Variants in SELENOT observed in about 807,000 individuals in gnomAD.
SELENOT encodes the protein selenoprotein T.
A neutral mutation model predicts 24.3 loss-of-function variants in SELENOT; 9 were observed. That is an observed-to-expected ratio of 0.37 (90% CI 0.22 to 0.65). The LOEUF (loss-of-function observed/expected upper bound fraction) is 0.65. SELENOT is among the 30% of genes least tolerant of loss of function. The probability of loss-of-function intolerance (pLI) is 0.60; values close to 1 mark genes in which losing one functional copy is unlikely to be tolerated. For missense variants in SELENOT, 166 were observed against 247.6 expected, an observed-to-expected ratio of 0.67 and a Z score of 2.21; for synonymous variants, 81 against 86.0, an observed-to-expected ratio of 0.94 and a Z score of 0.32.
At chr3:150,612,498 T>C (rs929148821) in intron 1 of SELENOT, among the ~76,000 whole-genome samples, 1 of 152,220 alleles carries the variant, frequency 6.6e-6, no homozygotes, top group Non-Finnish European at 1.5e-5. Context: ...TCACATAATT[T>C]CGTTCATATT....
intron 4 of SELENOT, among the ~76,000 whole-genome samples, chr3:150,625,304 C>T (rs1342337828): frequency 6.6e-6 from 1 of 152,072 alleles, no homozygotes; most frequent in Non-Finnish European, 1.5e-5. Flanking sequence ...CTAAAATAAA[C>T]TCTTGCTTAC....
intron 1 of SELENOT, among the ~76,000 whole-genome samples, chr3:150,621,083 A>G (rs1010527683): frequency 1.3e-5 from 2 of 152,206 alleles, no homozygotes; most frequent in Admixed American, 6.5e-5. Context: ...AAGTACAACA[A>G]TGGTAATAAT....
Position 150,620,683 on chromosome 3 carries a change from A to G in SELENOT, c.138-1702A>G, listed in dbSNP as rs186811291. ...TTGACTAACCAAGTCTCTAGTTCTC[A>G]AATTACTGCATTAAAAGTTAGAAAG... On this transcript the variant is annotated intron_variant, in intron 1 of 5. Coordinates refer to ENST00000471696, the MANE Select transcript of SELENOT (RefSeq NM_016275.5). 5.3e-5 allele frequency among the ~76,000 whole-genome samples: 8 copies of G among 152,326 alleles called. No homozygotes were observed. The East Asian group carries it at 1.2e-3, about 22-fold the overall frequency.
chr3:150,629,693 GTGT>G lies in SELENOT; in HGVS notation c.*2070_*2072del, dbSNP rs1251668782. ...GCTTAGACACTGATAAAATTCAGCTGTGTTGTTGACGCTCATCTCTTTTGTCTT... is the reference window on the plus strand; with the variant it reads ...GCTTAGACACTGATAAAATTCAGCTGTGTTGACGCTCATCTCTTTTGTCTT... On this transcript the variant is annotated 3_prime_UTR_variant, in exon 6 of 6. Transcript: ENST00000471696. 5 of 152,694 alleles carry G rather than the reference GTGT, an allele frequency of 3.3e-5. No individual in the cohort carries two copies. In the East Asian group the frequency reaches 9.6e-4, roughly 29 times the overall value. 9.5% of individuals were successfully genotyped at this position (152,694 alleles called of 1,614,324 possible).
chr3:150,606,559 CTT>C (rs10557795), intron 1 of SELENOT, among the ~76,000 whole-genome samples: 34,191 of 151,940 alleles, frequency 0.23, 4,199 homozygotes, highest in East Asian at 0.47. Context: ...ACGTTTAACA[CTT>C]AACATAGAAA....
chr3:150,614,843 TTTTA>T (rs374324068), intron 1 of SELENOT, among the ~76,000 whole-genome samples: 194 of 151,656 alleles, frequency 1.3e-3, no homozygotes, highest in East Asian at 6.4e-3. Flanking sequence ...TTCATTGTCA[TTTTA>T]TTTATTTATT....
intron 1 of SELENOT, among the ~76,000 whole-genome samples, chr3:150,617,838 TGTTTG>T (rs71138460): frequency 1.3e-5 from 2 of 150,762 alleles, no homozygotes; most frequent in Middle Eastern, 3.2e-3. Context: ...CAACTGTTTT[TGTTTG>T]GTTTGGTTTG....
chr3:150,615,623 C>T (rs917087482), intron 1 of SELENOT, among the ~76,000 whole-genome samples: 1 of 152,040 alleles, frequency 6.6e-6, no homozygotes. Context: ...AATAAAATAC[C>T]TAGGAATCCA....
At chr3:150,603,521 C>G in intron 1 of SELENOT, 22 bp downstream of exon 1, 1 of 1,557,364 alleles carries the variant, frequency 6.4e-7, no homozygotes, top group Non-Finnish European at 8.7e-7. Context: ...CACTGGGCCC[C>G]GGCCACCCCG....
intron 1 of SELENOT, among the ~76,000 whole-genome samples, chr3:150,612,342 C>T (rs976533986): frequency 6.6e-6 from 1 of 152,190 alleles, no homozygotes; most frequent in Non-Finnish European, 1.5e-5. Flanking sequence ...ATTGGCCCTC[C>T]TCGGCCTCCC....
intron 1 of SELENOT, among the ~76,000 whole-genome samples, chr3:150,608,761 T>G (rs1426294418): frequency 6.6e-6 from 1 of 152,218 alleles, no homozygotes; most frequent in African/African-American, 2.4e-5. Flanking sequence ...ATTGAACTCC[T>G]TGCACATAAT....
intron 1 of SELENOT, chr3:150,603,833 G>A (rs1725899456): frequency 9.5e-6 from 2 of 210,158 alleles, no homozygotes; most frequent in Admixed American, 5.9e-5. Flanking sequence ...AGCCACCCCG[G>A]CTGCCTGCGG....
chr3:150,603,914 C>CT (rs1725901142), intron 1 of SELENOT, among the ~76,000 whole-genome samples: 1 of 152,246 alleles, frequency 6.6e-6, no homozygotes, highest in Non-Finnish European at 1.5e-5. Flanking sequence ...TTTCTGCCCT[C>CT]TTTTCCGGGG....
In SELENOT at chr3:150,630,364, G is replaced by A. The variant is rs1430047267; in HGVS notation, c.*2735G>A. ...TTTAAAAAAAGAGATCTTTTTGAGA[G>A]AAACAAATGAGGATTGTAAAGTTTG... On this transcript the variant is annotated 3_prime_UTR_variant, in exon 6 of 6. Transcript: ENST00000471696. 1 of 152,078 alleles carries A rather than the reference G, an allele frequency of 6.6e-6. No homozygotes were observed. The highest frequency in any genetic ancestry group is 2.4e-5 in the African/African-American group (1 of 41,390). 9.4% of individuals were successfully genotyped at this position (152,078 alleles called of 1,614,324 possible).
chr3:150,617,773 TAAAA>T, intron 1 of SELENOT, among the ~76,000 whole-genome samples: 1 of 128,820 alleles, frequency 7.8e-6, no homozygotes, highest in East Asian at 2.6e-4. Flanking sequence ...TTATGCAACT[TAAAA>T]AAAAACAAAA....
At chr3:150,620,314 C>T (rs1339720107) in intron 1 of SELENOT, among the ~76,000 whole-genome samples, 4 of 152,140 alleles carry the variant, frequency 2.6e-5, no homozygotes, top group Non-Finnish European at 5.9e-5. Context: ...GTATAGGTAC[C>T]CGATGGTGGC....
intron 1 of SELENOT, among the ~76,000 whole-genome samples, chr3:150,605,675 T>G (rs1725947674): frequency 6.6e-6 from 1 of 152,200 alleles, no homozygotes. Context: ...ATAACGTTAT[T>G]AATAAGACCC....
intron 1 of SELENOT, among the ~76,000 whole-genome samples, chr3:150,613,546 T>C (rs1726144994): frequency 6.6e-6 from 1 of 152,156 alleles, no homozygotes; most frequent in African/African-American, 2.4e-5. Flanking sequence ...TGGAGTGTTA[T>C]GTGATATAAA....
intron 1 of SELENOT, among the ~76,000 whole-genome samples, chr3:150,616,804 C>T (rs1438012708): frequency 6.6e-6 from 1 of 152,234 alleles, no homozygotes; most frequent in Admixed American, 6.5e-5. Flanking sequence ...CCATGCCCAG[C>T]TAATTTTTGT....
Sources: gnomAD v4.1 joint callset for allele counts (sites outside exome capture counted in the v4.1 genomes callset) on GRCh38, gnomAD v4.1.1 for gene constraint, MANE v1.5 for transcripts, NCBI Gene and HGNC (gene_info 2026-07-23, HGNC 2026-07-21) for gene names.